Variants in SCHIP1 observed in about 807,000 individuals in gnomAD.
SCHIP1 encodes the protein schwannomin interacting protein 1.
In SCHIP1, 8 loss-of-function variants were observed where a neutral mutation model predicts 29.7. The ratio of observed to expected loss-of-function variants is 0.27; its 90% CI spans 0.16 to 0.49. SCHIP1 has a LOEUF of 0.49. SCHIP1 is among the 20% of genes least tolerant of loss of function. The probability of loss-of-function intolerance (pLI) is 0.99; values close to 1 mark genes in which losing one functional copy is unlikely to be tolerated. For synonymous variants in SCHIP1, 76 were observed against 94.9 expected (o/e 0.80, Z 1.16); for missense variants, 193 against 294.6 (o/e 0.66, Z 2.52).
the SCHIP1 span, among the ~76,000 whole-genome samples, chr3:159,425,308 A>G: frequency 6.6e-6 from 1 of 152,066 alleles, no homozygotes; most frequent in Admixed American, 6.6e-5. Flanking sequence ...TCTCACATGC[A>G]GAGACACACA....
At chr3:159,797,107 T>C in the SCHIP1 span, among the ~76,000 whole-genome samples, 41 of 152,344 alleles carry the variant, frequency 2.7e-4, no homozygotes, top group Middle Eastern at 3.4e-3. Flanking sequence ...TAAAATCCTC[T>C]AGATTAATAG....
the SCHIP1 span, among the ~76,000 whole-genome samples, chr3:159,571,163 C>G: frequency 4.6e-5 from 7 of 152,184 alleles, no homozygotes; most frequent in African/African-American, 1.7e-4. Flanking sequence ...GCCAGAGCTT[C>G]CAACACTATG....
At chr3:159,468,719 T>C in the SCHIP1 span, among the ~76,000 whole-genome samples, 1 of 141,704 alleles carries the variant, frequency 7.1e-6, no homozygotes, top group East Asian at 2.0e-4. Context: ...ACGAGTGTTT[T>C]ATATATATAT....
At chr3:159,317,522 G>A in the SCHIP1 span, among the ~76,000 whole-genome samples, 6,337 of 152,252 alleles carry the variant, frequency 0.042, 433 homozygotes, top group African/African-American at 0.15. Flanking sequence ...AGTACCATAT[G>A]TTGGATACTG....
chr3:159,723,459 A>C, the SCHIP1 span, among the ~76,000 whole-genome samples: 1 of 152,228 alleles, frequency 6.6e-6, no homozygotes, highest in African/African-American at 2.4e-5. Context: ...TTCTATAAGA[A>C]TATTTTTAGT....
the SCHIP1 span, among the ~76,000 whole-genome samples, chr3:159,614,056 T>G: frequency 6.6e-6 from 1 of 152,188 alleles, no homozygotes; most frequent in Non-Finnish European, 1.5e-5. Flanking sequence ...ATCTCCACTT[T>G]ACAGATGAGG....
At chr3:159,765,186 CCCCGCGCACAG>C in the SCHIP1 span, 2 of 1,498,238 alleles carry the variant, frequency 1.3e-6, no homozygotes, top group East Asian at 2.7e-5. Context: ...CGCGTACACA[CCCCGCGCACAG>C]CCCGCACGCC....
the SCHIP1 span, among the ~76,000 whole-genome samples, chr3:159,542,076 T>C: frequency 6.6e-6 from 1 of 152,098 alleles, no homozygotes; most frequent in Non-Finnish European, 1.5e-5. Context: ...GTATTTTCTC[T>C]TATAAATGAA....
the SCHIP1 span, among the ~76,000 whole-genome samples, chr3:159,552,516 C>A: frequency 6.6e-6 from 1 of 152,138 alleles, no homozygotes; most frequent in Admixed American, 6.5e-5. Context: ...TGTTCAACTG[C>A]AGTACATTCA....
the SCHIP1 span, among the ~76,000 whole-genome samples, chr3:159,321,356 AAT>A: frequency 6.6e-6 from 1 of 152,176 alleles, no homozygotes; most frequent in Non-Finnish European, 1.5e-5. Flanking sequence ...GCAATGACAA[AAT>A]CTCTGCATTT....
the SCHIP1 span, among the ~76,000 whole-genome samples, chr3:159,525,212 A>C: frequency 1.3e-5 from 2 of 152,126 alleles, no homozygotes; most frequent in African/African-American, 4.8e-5. Flanking sequence ...TTCCAATGCC[A>C]TTTCCTTAGT....
chr3:159,829,672 C>T, the SCHIP1 span, among the ~76,000 whole-genome samples: 368 of 152,304 alleles, frequency 2.4e-3, no homozygotes, highest in African/African-American at 8.5e-3. Context: ...AAATATGTGT[C>T]ATTGACCATG....
the SCHIP1 span, among the ~76,000 whole-genome samples, chr3:159,666,822 A>G: frequency 6.6e-6 from 1 of 152,244 alleles, no homozygotes; most frequent in African/African-American, 2.4e-5. Context: ...AGCAATGGTG[A>G]GACTGGGTGA....
the SCHIP1 span, among the ~76,000 whole-genome samples, chr3:159,679,238 GA>G: frequency 0.01 from 1,387 of 136,110 alleles, 12 homozygotes; most frequent in African/African-American, 0.023. Flanking sequence ...GTGTTATGAA[GA>G]AAAAAAAAAA....
chr3:159,567,646 A>T, the SCHIP1 span, among the ~76,000 whole-genome samples: 16 of 152,286 alleles, frequency 1.1e-4, no homozygotes, highest in African/African-American at 3.1e-4. Flanking sequence ...TCTCTACAAT[A>T]GTACTACATC....
intron 1 of SCHIP1, among the ~76,000 whole-genome samples, chr3:159,840,910 T>G (rs527542835): frequency 2.6e-4 from 40 of 152,360 alleles, no homozygotes; most frequent in African/African-American, 8.7e-4. Context: ...CTAGAGTGTT[T>G]AGTAACTCCT....
chr3:159,745,877 G>C, the SCHIP1 span, among the ~76,000 whole-genome samples: 2 of 151,876 alleles, frequency 1.3e-5, no homozygotes, highest in African/African-American at 4.8e-5. Context: ...TTAATTTTTG[G>C]TGTTTGTCTA....
the SCHIP1 span, among the ~76,000 whole-genome samples, chr3:159,657,202 G>A: frequency 6.6e-6 from 1 of 152,120 alleles, no homozygotes; most frequent in Non-Finnish European, 1.5e-5. Context: ...TAATGTAAGT[G>A]ACCATCTTCC....
the SCHIP1 span, among the ~76,000 whole-genome samples, chr3:159,521,610 C>T: frequency 3.3e-5 from 5 of 152,230 alleles, no homozygotes; most frequent in Admixed American, 6.5e-5. Context: ...CATTTGAGTT[C>T]GACAGTTTGA....
Sources: gnomAD v4.1 joint callset for allele counts (sites outside exome capture counted in the v4.1 genomes callset) on GRCh38, gnomAD v4.1.1 for gene constraint, MANE v1.5 for transcripts, NCBI Gene and HGNC (gene_info 2026-07-23, HGNC 2026-07-21) for gene names.